LDLRAD3: variants seen among roughly 807,000 people sequenced by gnomAD.
LDLRAD3 encodes the protein low-density lipoprotein receptor class A domain-containing protein 3.
Under a neutral mutation model 29.4 loss-of-function variants are expected in LDLRAD3, and 20 were observed. That is an observed-to-expected ratio of 0.68 (90% CI 0.48 to 0.99). LDLRAD3 has a LOEUF of 0.99. LDLRAD3 is among the 50% of genes least tolerant of loss of function. The pLI is 0.00. For missense variants in LDLRAD3, 420 were observed against 454.3 expected (o/e 0.92, Z 0.69); for synonymous variants, 157 against 192.7 (o/e 0.81, Z 1.53).
chr11:36,126,518 G>C (rs892661651), intron 4 of LDLRAD3, among the ~76,000 whole-genome samples: 7 of 152,144 alleles, frequency 4.6e-5, no homozygotes, highest in Non-Finnish European at 8.8e-5. Flanking sequence ...TTGGCCTTCG[G>C]TGTGGTCAGG....
At chr11:36,190,721 C>G (rs1305907399) in intron 4 of LDLRAD3, among the ~76,000 whole-genome samples, 3 of 152,086 alleles carry the variant, frequency 2.0e-5, no homozygotes, top group Non-Finnish European at 4.4e-5. Context: ...GAAAAGAGCC[C>G]ACCTAATGCT....
Position 36,099,592 on chromosome 11 carries a change from C to A in LDLRAD3, c.454+1131C>A, listed in dbSNP as rs548653913. Among the ~76,000 whole-genome samples the A allele has an allele frequency of 2.0e-5, 3 of 152,248 alleles. No homozygotes were observed. In the South Asian group the frequency reaches 6.2e-4, roughly 32 times the overall value. ...AAAGTAAGAGAATGATGGTTAACTG[C>A]TTAGCTGGTTAACTCATATATTGGG... On this transcript the variant is annotated intron_variant, in intron 4 of 5. Coordinates refer to ENST00000315571, the MANE Select transcript of LDLRAD3 (RefSeq NM_174902.4).
intron 3 of LDLRAD3, among the ~76,000 whole-genome samples, chr11:36,086,144 T>G (rs186315672): frequency 3.7e-4 from 57 of 152,296 alleles, no homozygotes; most frequent in African/African-American, 1.4e-3. Flanking sequence ...AGACTTTCTG[T>G]TTTTCCATTT....
intron 4 of LDLRAD3, among the ~76,000 whole-genome samples, chr11:36,132,949 T>C (rs902558147): frequency 6.6e-6 from 1 of 152,202 alleles, no homozygotes; most frequent in African/African-American, 2.4e-5. Context: ...GTTCCCCCCT[T>C]TTGGGGATAA....
chr11:35,994,803 A>G (rs1039717130), intron 1 of LDLRAD3, among the ~76,000 whole-genome samples: 8 of 152,222 alleles, frequency 5.3e-5, no homozygotes, highest in African/African-American at 1.9e-4. Context: ...TGTTCATAGC[A>G]TCTCCATCAG....
chr11:36,090,815 T>C (rs898201095), intron 3 of LDLRAD3, among the ~76,000 whole-genome samples: 1 of 152,060 alleles, frequency 6.6e-6, no homozygotes, highest in African/African-American at 2.4e-5. Flanking sequence ...CGGCTGTACA[T>C]AGGCTACGTT....
At chr11:36,188,901 A>G (rs533471818) in intron 4 of LDLRAD3, among the ~76,000 whole-genome samples, 1 of 152,210 alleles carries the variant, frequency 6.6e-6, no homozygotes, top group Admixed American at 6.5e-5. Context: ...AAAACTCACC[A>G]GTTTAAGAGA....
rs1185493836 is a variant in LDLRAD3, at chr11:36,013,707, A to G, written c.47-22396A>G. Among the ~76,000 whole-genome samples the G allele has an allele frequency of 3.3e-5, 5 of 151,974 alleles. 1 individual carries two copies. Among genetic ancestry groups the G allele is most frequent in the Non-Finnish European group, 1.5e-5 (1 of 67,974 alleles). On this transcript the variant is annotated intron_variant, in intron 1 of 5. Transcript: ENST00000315571. ...CATATTTTCTTTAGGAGTGATGTCT[A>G]TTTCTTTGGATGGTGTTTTACAAAG...
At chr11:36,145,485 A>AC (rs1403792820) in intron 4 of LDLRAD3, among the ~76,000 whole-genome samples, 90 of 145,562 alleles carry the variant, frequency 6.2e-4, no homozygotes, top group African/African-American at 2.1e-3. Flanking sequence ...CTGCCCGGCC[A>AC]CCACCCCGTC....
intron 4 of LDLRAD3, among the ~76,000 whole-genome samples, chr11:36,215,186 C>G (rs1302588992): frequency 2.6e-5 from 4 of 152,050 alleles, no homozygotes; most frequent in Non-Finnish European, 5.9e-5. Flanking sequence ...AGAACCACAT[C>G]AAGGAGGCCA....
intron 2 of LDLRAD3, among the ~76,000 whole-genome samples, chr11:36,052,085 C>T (rs1466329861): frequency 6.6e-6 from 1 of 152,206 alleles, no homozygotes; most frequent in Admixed American, 6.5e-5. Flanking sequence ...GACTGAGTCT[C>T]ACTGAGTAAG....
chr11:36,096,544 C>T (rs1001715251), intron 3 of LDLRAD3, among the ~76,000 whole-genome samples: 4 of 152,226 alleles, frequency 2.6e-5, no homozygotes, highest in Admixed American at 6.5e-5. Flanking sequence ...TCTGTAGGAC[C>T]GAGATTCACA....
intron 4 of LDLRAD3, among the ~76,000 whole-genome samples, chr11:36,219,432 C>T (rs4468324): frequency 1.3e-5 from 2 of 152,100 alleles, no homozygotes; most frequent in Admixed American, 1.3e-4. Context: ...GTTAACAACA[C>T]CCTTATTGGC....
At chr11:36,078,705 A>G (rs1853059218) in intron 2 of LDLRAD3, among the ~76,000 whole-genome samples, 1 of 152,070 alleles carries the variant, frequency 6.6e-6, no homozygotes. Flanking sequence ...TTCTGCTGAC[A>G]CTGTAGAGTG....
At chr11:36,084,129 T>C (rs1032982542) in intron 3 of LDLRAD3, among the ~76,000 whole-genome samples, 36 of 152,252 alleles carry the variant, frequency 2.4e-4, no homozygotes, top group African/African-American at 7.2e-4. Flanking sequence ...TTTACCCTGT[T>C]GCCCAAGCTG....
rs143446528 is a variant in LDLRAD3 at position 36,042,053 on chromosome 11, C to CATAA, written c.193+5807_193+5810dup. Among the ~76,000 whole-genome samples, 517 of 152,226 alleles carry CATAA rather than the reference C, an allele frequency of 3.4e-3. 3 individuals carry two copies. The highest frequency in any genetic ancestry group is 0.012 in the African/African-American group (492 of 41,514). ...TGTTATTATTGCTCTGGTGTAAAGG[C>CATAA]ATAAATCCATGAGATAGGGTTGAGA... On this transcript the variant is annotated intron_variant, in intron 2 of 5. Transcript: ENST00000315571.
At chr11:35,951,381 T>C (rs539841633) in intron 1 of LDLRAD3, among the ~76,000 whole-genome samples, 10 of 152,298 alleles carry the variant, frequency 6.6e-5, no homozygotes, top group African/African-American at 2.2e-4. Flanking sequence ...CTATATTTCA[T>C]CAATTTTATT....
chr11:36,171,922 T>C lies in LDLRAD3; in HGVS notation c.455-55163T>C, dbSNP rs561413456. 6.6e-5 allele frequency among the ~76,000 whole-genome samples: 10 copies of C among 152,336 alleles called. No individual in the cohort carries two copies. In the South Asian group the frequency reaches 2.1e-3, roughly 32 times the overall value. ...GGAGATTGCTTTTGCAATATAGTCATTTTCACAATATTCTACCCATCCACA... is the reference window on the plus strand; with the variant it reads ...GGAGATTGCTTTTGCAATATAGTCACTTTCACAATATTCTACCCATCCACA... On this transcript the variant is annotated intron_variant, in intron 4 of 5. Transcript: ENST00000315571.
At chr11:36,018,780 G>C (rs565566879) in intron 1 of LDLRAD3, among the ~76,000 whole-genome samples, 6 of 152,180 alleles carry the variant, frequency 3.9e-5, no homozygotes, top group Non-Finnish European at 8.8e-5. Context: ...ACTTTTGCCA[G>C]TCGCATTGTT....
Sources: allele counts gnomAD v4.1 joint callset (sites outside exome capture counted in the v4.1 genomes callset), GRCh38; gene constraint gnomAD v4.1.1; transcripts MANE v1.5; gene names NCBI Gene and HGNC (gene_info 2026-07-23, HGNC 2026-07-21).